Variants in ASPH observed in about 807,000 individuals in gnomAD.
ASPH encodes the protein aspartate beta-hydroxylase, also known as aspartyl/asparaginyl beta-hydroxylase.
In ASPH, 100 loss-of-function variants were observed where a neutral mutation model predicts 118.4. That is an observed-to-expected ratio of 0.84 (90% CI 0.72 to 1.00). The LOEUF (loss-of-function observed/expected upper bound fraction) is 1.00, where lower values mean the gene tolerates loss of function less well. Ranked by LOEUF, ASPH falls within the 50% of genes least tolerant of loss-of-function variation. The pLI is 0.00. For synonymous variants in ASPH, 315 were observed against 325.6 expected (o/e 0.97, Z 0.35); for missense variants, 920 against 919.5 (o/e 1.00, Z -0.01).
At chr8:61,706,427 A>AAG (rs1554594871) in intron 1 of ASPH, among the ~76,000 whole-genome samples, 10 of 86,160 alleles carry the variant, frequency 1.2e-4, no homozygotes, top group South Asian at 6.3e-4. Flanking sequence ...AAAAAAAAAA[A>AAG]AAGAAGAAGA....
intron 14 of ASPH, among the ~76,000 whole-genome samples, chr8:61,592,525 C>T (rs1041998850): frequency 5.3e-5 from 8 of 152,058 alleles, no homozygotes; most frequent in Admixed American, 4.6e-4. Flanking sequence ...TAAGCAGAAT[C>T]ACATAAAATA....
intron 13 of ASPH, among the ~76,000 whole-genome samples, chr8:61,621,513 T>A (rs1201630107): frequency 6.6e-6 from 1 of 152,224 alleles, no homozygotes; most frequent in Non-Finnish European, 1.5e-5. Context: ...CCTATGCTTC[T>A]CTGGGAGACC....
chr8:61,587,383 T>C (rs1587712335), intron 14 of ASPH, among the ~76,000 whole-genome samples: 1 of 152,354 alleles, frequency 6.6e-6, no homozygotes, highest in Middle Eastern at 3.4e-3. Flanking sequence ...CTCCCAATTG[T>C]TCATTTTGCT....
rs1835304213 is a variant in ASPH at position 61,576,801 on chromosome 8, T to C, written c.1120A>G (p.Ser374Gly). 9.9e-6 allele frequency: 16 copies of C among 1,610,206 alleles called. No homozygotes were observed. The highest frequency in any genetic ancestry group is 1.3e-5 in the Non-Finnish European group (15 of 1,177,678). Reference sequence around the variant, plus strand: ...GCCTTCCCATATCTTGCTCGTGGACTCTGAGGGTATTTGCGTACTAGTTCT... The same window carrying C: ...GCCTTCCCATATCTTGCTCGTGGACCCTGAGGGTATTTGCGTACTAGTTCT... Reference protein sequence around the residue: ...FKELVRKYPQSPRARYGKAQC... With the variant: ...FKELVRKYPQGPRARYGKAQC... The change falls in exon 16 of 25, where the codon AGT becomes GGT. Residue 374 changes from serine to glycine, a missense_variant. Physicochemically the swap from Ser to Gly is moderately conservative, Grantham distance 56. Coordinates refer to ENST00000379454, the MANE Select transcript of ASPH (RefSeq NM_004318.4).
At chr8:61,656,414 G>A (rs1813710397) in intron 3 of ASPH, 2 of 152,208 alleles carry the variant, frequency 1.3e-5, no homozygotes, top group Admixed American at 6.5e-5. Context: ...GCGATGTCCA[G>A]AAGCAAAAGG....
At chr8:61,566,037 C>T (rs1249324029) in intron 17 of ASPH, among the ~76,000 whole-genome samples, 1 of 152,112 alleles carries the variant, frequency 6.6e-6, no homozygotes, top group Admixed American at 6.5e-5. Context: ...CTGATAAGCA[C>T]CTAGTCACCA....
chr8:61,708,971 G>A (rs1460791281), intron 1 of ASPH, among the ~76,000 whole-genome samples: 1 of 149,466 alleles, frequency 6.7e-6, no homozygotes, highest in African/African-American at 2.5e-5. Flanking sequence ...ACATGACTAG[G>A]CAAGTGACCT....
At chr8:61,690,373 G>A (rs1405407202) in intron 1 of ASPH, among the ~76,000 whole-genome samples, 1 of 152,168 alleles carries the variant, frequency 6.6e-6, no homozygotes, top group East Asian at 1.9e-4. Context: ...GGACTGGTGG[G>A]AAGGAAAGAA....
At position 61,566,422 on chromosome 8, in the gene ASPH, A is replaced by G. The variant is rs11774117; in HGVS notation, c.1300+746T>C. Among the ~76,000 whole-genome samples the G allele has an allele frequency of 7.9e-4, 121 of 152,224 alleles. 2 individuals carry two copies. The highest frequency in any genetic ancestry group is 1.5e-5 in the Non-Finnish European group (1 of 68,036). ...TGAGCAAAGAAAGTGGTTTCTTGAG[A>G]CTGAATGTACTCCTGGTGAAGATGC... On this transcript the variant is annotated intron_variant, in intron 17 of 24. Transcript: ENST00000379454.
chr8:61,562,389 C>CTCTCTGTG (rs71257370), intron 18 of ASPH, among the ~76,000 whole-genome samples: 1 of 128,994 alleles, frequency 7.8e-6, no homozygotes, highest in Non-Finnish European at 1.6e-5. Flanking sequence ...GAAAGTGTGT[C>CTCTCTGTG]TGTGTGTGTG....
chr8:61,635,998 TTAG>T (rs1451124920), intron 12 of ASPH, among the ~76,000 whole-genome samples: 2 of 152,198 alleles, frequency 1.3e-5, no homozygotes, highest in African/African-American at 4.8e-5. Context: ...CCAAAAAGCC[TTAG>T]TAGGCCTTGC....
chr8:61,675,848 C>G, intron 3 of ASPH: 12 of 1,330,366 alleles, frequency 9.0e-6, no homozygotes, highest in Non-Finnish European at 1.2e-5. Flanking sequence ...TACTTTGTAG[C>G]TGACTACAAG....
intron 21 of ASPH, among the ~76,000 whole-genome samples, chr8:61,535,976 C>T (rs1437130448): frequency 6.6e-6 from 1 of 151,442 alleles, no homozygotes. Context: ...GGTCCTAATA[C>T]ACTTTGATTA....
intron 21 of ASPH, among the ~76,000 whole-genome samples, chr8:61,528,965 C>A (rs975309127): frequency 4.6e-5 from 7 of 152,140 alleles, no homozygotes; most frequent in African/African-American, 1.4e-4. Flanking sequence ...ACTATCTAGT[C>A]CATTTTGATT....
At position 61,578,567 on chromosome 8, in the gene ASPH, C is replaced by T. The variant is rs1246214522; in HGVS notation, c.1063-1709G>A. ...AGGTACGGTTCCTGGAGCAGCAGAA[C>T]AAGATGCTGGAGACCAAGTGGAGCC... On this transcript the variant is annotated intron_variant, in intron 15 of 24. Coordinates refer to ENST00000379454, the MANE Select transcript of ASPH (RefSeq NM_004318.4). 1.2e-5 allele frequency: 19 copies of T among 1,522,302 alleles called. 1 individual carries two copies. In the East Asian group the frequency reaches 2.5e-4, roughly 20 times the overall value. 94.3% of individuals were successfully genotyped at this position (1,522,302 alleles called of 1,614,324 possible). A position where few individuals can be genotyped will look rare whatever the true frequency, so the allele number is the denominator to read the frequency against.
intron 14 of ASPH, among the ~76,000 whole-genome samples, chr8:61,602,065 A>C (rs1844150896): frequency 6.6e-6 from 1 of 151,386 alleles, no homozygotes; most frequent in African/African-American, 2.5e-5. Context: ...AATCATACAT[A>C]AATTCTTAAA....
At chr8:61,647,915 T>C (rs1808864775) in intron 5 of ASPH, among the ~76,000 whole-genome samples, 1 of 152,176 alleles carries the variant, frequency 6.6e-6, no homozygotes, top group African/African-American at 2.4e-5. Flanking sequence ...GACTGGGTAT[T>C]GCATCCCAAT....
At chr8:61,684,281 T>C in intron 1 of ASPH, 93 bp from the exon 2 acceptor site, 1 of 1,314,084 alleles carries the variant, frequency 7.6e-7, no homozygotes, top group Non-Finnish European at 1.0e-6. Context: ...TGGGATTATG[T>C]ACAATGATAG....
intron 14 of ASPH, among the ~76,000 whole-genome samples, chr8:61,611,846 T>C (rs536209383): frequency 2.9e-4 from 44 of 152,320 alleles, no homozygotes; most frequent in African/African-American, 1.0e-3. Flanking sequence ...TGCTTTACAC[T>C]GTTGGAGAGT....
Sources: allele counts gnomAD v4.1 joint callset (sites outside exome capture counted in the v4.1 genomes callset), GRCh38; gene constraint gnomAD v4.1.1; transcripts MANE v1.5; gene names NCBI Gene and HGNC (gene_info 2026-07-23, HGNC 2026-07-21).